HPS5: variants seen among roughly 807,000 people sequenced by gnomAD.
HPS5 encodes BLOC-2 complex member HPS5.
In HPS5, 83 loss-of-function variants were observed where a neutral mutation model predicts 128.0. The observed-to-expected ratio is 0.65, with a 90% CI of 0.54 to 0.78. The LOEUF is 0.78. Ranked by LOEUF, HPS5 falls within the 30% of genes least tolerant of loss-of-function variation. The pLI is 0.00. For synonymous variants in HPS5, 475 were observed against 470.2 expected (o/e 1.01, Z -0.13); for missense variants, 1,281 against 1,326.2 (o/e 0.97, Z 0.53).
At chr11:18,280,689 C>T (rs751568672) in intron 22 of HPS5, 43 of 630,416 alleles carry the variant, frequency 6.8e-5, no homozygotes, top group Admixed American at 4.1e-4. Context: ...ATATATACAA[C>T]GGAATATTAT....
chr11:18,305,732 C>CTTTT (rs11345742), intron 7 of HPS5, among the ~76,000 whole-genome samples: 6 of 119,918 alleles, frequency 5.0e-5, no homozygotes, highest in African/African-American at 1.3e-4. Flanking sequence ...AGAATAAAAT[C>CTTTT]TTTTTTTTTT....
intron 19 of HPS5, 41 bp downstream of exon 19, chr11:18,286,550 A>C: frequency 6.2e-7 from 1 of 1,604,600 alleles, no homozygotes; most frequent in Non-Finnish European, 8.5e-7. Flanking sequence ...TCAAAAAAAA[A>C]AAGTAAAGAA....
Position 18,291,786 on chromosome 11 carries a change from T to C in HPS5, c.2096A>G (p.Glu699Gly). 1 of 1,614,114 alleles carries C rather than the reference T, an allele frequency of 6.2e-7. No individual in the cohort carries two copies. ...ACATGCTGTTTTATCAACAGATTCT[T>C]CATTGCCTAAAGAGTCCCTTTTTTC... ...EKEKRDSLGNEESVDKTACEC... is the reference protein window; with the variant it reads ...EKEKRDSLGNGESVDKTACEC... Residue 699 changes from glutamate to glycine, a missense_variant, in exon 16 of 23, where the codon GAA (glutamate) becomes GGA (glycine). By Grantham distance (98) the Glu-to-Gly change is moderately conservative. Coordinates refer to ENST00000349215, the MANE Select transcript of HPS5 (RefSeq NM_181507.2).
At position 18,293,406 on chromosome 11, in the gene HPS5, T is replaced by C. The variant is rs546771286; in HGVS notation, c.1785-430A>G. ...TCAGAATGGTCCCGATCTCCTGACCTCGTGATCCACCTGCCTCGGCCTCCT... is the reference window on the plus strand; with the variant it reads ...TCAGAATGGTCCCGATCTCCTGACCCCGTGATCCACCTGCCTCGGCCTCCT... On this transcript the variant is annotated intron_variant, in intron 14 of 22. Coordinates refer to ENST00000349215, the MANE Select transcript of HPS5 (RefSeq NM_181507.2). Among the ~76,000 whole-genome samples, 456 of 152,300 alleles carry C rather than the reference T, an allele frequency of 3.0e-3. 1 individual carries two copies. Among genetic ancestry groups the C allele is most frequent in the Middle Eastern group, 0.01 (3 of 294 alleles).
chr11:18,280,161 C>T (rs1858689344), intron 22 of HPS5, among the ~76,000 whole-genome samples: 1 of 152,150 alleles, frequency 6.6e-6, no homozygotes, highest in Non-Finnish European at 1.5e-5. Context: ...TATCAGAGAA[C>T]TCTTACAGCA....
chr11:18,299,186 A>C (rs941101023), intron 9 of HPS5, among the ~76,000 whole-genome samples: 22 of 152,234 alleles, frequency 1.4e-4, no homozygotes, highest in Admixed American at 1.3e-3. Flanking sequence ...AAAGAACTAT[A>C]TCTCTCTGAC....
At chr11:18,281,257 T>TA (rs201692051) in intron 22 of HPS5, among the ~76,000 whole-genome samples, 27 of 138,970 alleles carry the variant, frequency 1.9e-4, no homozygotes, top group South Asian at 4.4e-4. Flanking sequence ...TTTTTTGCAT[T>TA]TTTTTTTTTT....
At chr11:18,284,716 A>G (rs1470679502) in intron 20 of HPS5, among the ~76,000 whole-genome samples, 1 of 152,238 alleles carries the variant, frequency 6.6e-6, no homozygotes, top group East Asian at 1.9e-4. Flanking sequence ...AGATATAGAC[A>G]TTATGAGGGA....
intron 4 of HPS5, 81 bp downstream of exon 4, chr11:18,311,306 T>C (rs894423087): frequency 3.0e-6 from 3 of 1,001,428 alleles, no homozygotes; most frequent in African/African-American, 3.2e-5. Context: ...CAAACCAGGA[T>C]GGTTGGTCAC....
At chr11:18,311,323 A>T in intron 4 of HPS5, 64 bp downstream of exon 4, 1 of 1,186,196 alleles carries the variant, frequency 8.4e-7, no homozygotes. Flanking sequence ...TCACCCTAAC[A>T]AACACATGTG....
At chr11:18,311,008 CT>C in intron 4 of HPS5, 75 bp from the exon 5 acceptor site, 1 of 1,038,106 alleles carries the variant, frequency 9.6e-7, no homozygotes, top group Non-Finnish European at 1.5e-6. Context: ...ACAGTATCAA[CT>C]ATATCAAATA....
intron 11 of HPS5, 88 bp from the exon 12 acceptor site, chr11:18,297,072 C>G: frequency 1.2e-6 from 1 of 862,768 alleles, no homozygotes. Context: ...TACCAACACT[C>G]AAATAGAAAG....
intron 1 of HPS5, among the ~76,000 whole-genome samples, chr11:18,318,356 C>A (rs1029449132): frequency 6.6e-6 from 1 of 152,180 alleles, no homozygotes; most frequent in African/African-American, 2.4e-5. Flanking sequence ...TATCAGCTAA[C>A]AATTTAACAG....
In HPS5 at chr11:18,286,738, C is replaced by T. The variant is rs368811202; in HGVS notation, c.2718-28G>A. 1.5e-5 allele frequency: 24 copies of T among 1,612,992 alleles called. No individual in the cohort carries two copies. In the African/African-American group the frequency reaches 2.8e-4, roughly 19 times the overall value. Reference sequence around the variant, plus strand: ...AAGAGAAAGTTGGGGAAAAAAGTCACCAATCTTCATGCTAAGAAAGGAAGC... The same window carrying T: ...AAGAGAAAGTTGGGGAAAAAAGTCATCAATCTTCATGCTAAGAAAGGAAGC... On this transcript the variant is annotated intron_variant, in intron 18 of 22. Coordinates refer to ENST00000349215, the MANE Select transcript of HPS5 (RefSeq NM_181507.2).
chr11:18,317,812 G>C lies in HPS5; in HGVS notation c.47C>G (p.Ala16Gly), dbSNP rs1415766175. The C allele has an allele frequency of 5.0e-6, 8 of 1,613,788 alleles. No individual in the cohort carries two copies. The highest frequency in any genetic ancestry group is 1.1e-5 in the South Asian group (1 of 90,976). Residue 16 changes from alanine (A) to glycine (G), a missense_variant, in exon 2 of 23, where the codon GCA (alanine) becomes GGA (glycine). Transcript: ENST00000349215. Reference sequence around the variant, plus strand: ...TAATGGATCCAGAGATTCAAACTCTGCAAGAACATGGCTGTAGGACTCTGG... The same window carrying C: ...TAATGGATCCAGAGATTCAAACTCTCCAAGAACATGGCTGTAGGACTCTGG... ...VIPESYSHVL[A>G]EFESLDPLLS...
At chr11:18,285,602 T>C (rs1037012977) in intron 19 of HPS5, 143 bp from the exon 20 acceptor site, 1 of 640,182 alleles carries the variant, frequency 1.6e-6, no homozygotes. Context: ...TTTGAAAACT[T>C]AAAAATAGCT....
At chr11:18,289,299 A>ATGAC (rs1236597636) in intron 16 of HPS5, among the ~76,000 whole-genome samples, 1 of 152,196 alleles carries the variant, frequency 6.6e-6, no homozygotes, top group Non-Finnish European at 1.5e-5. Context: ...GGGAAGCCTG[A>ATGAC]TGACTGCGCG....
At chr11:18,296,390 C>A (rs1861068822) in intron 12 of HPS5, 1 of 541,412 alleles carries the variant, frequency 1.8e-6, no homozygotes, top group Non-Finnish European at 3.3e-6. Flanking sequence ...CTATTATTCT[C>A]TTCTCACTAG....
rs144261208 is a variant in HPS5, at chr11:18,292,848, T to C, written c.1862+51A>G. 2.4e-4 allele frequency: 320 copies of C among 1,329,060 alleles called. 3 individuals carry two copies. In the East Asian group the frequency reaches 7.3e-3, roughly 30 times the overall value. 82.3% of individuals were successfully genotyped at this position (1,329,060 alleles called of 1,614,324 possible). ...ACTTACAATATAATGATTCACTTCG[T>C]TTACTAAACTGCCTTGAGACGTCAC... On this transcript the variant is annotated intron_variant, in intron 15 of 22. Transcript: ENST00000349215.
Sources: gnomAD v4.1 joint callset for allele counts (sites outside exome capture counted in the v4.1 genomes callset) on GRCh38, gnomAD v4.1.1 for gene constraint, MANE v1.5 for transcripts, NCBI Gene and HGNC (gene_info 2026-07-23, HGNC 2026-07-21) for gene names.